Variants in PDE1A observed in about 807,000 individuals in gnomAD.
PDE1A encodes the protein phosphodiesterase 1A.
A neutral mutation model predicts 61.7 loss-of-function variants in PDE1A; 35 were observed. The observed-to-expected ratio is 0.57, with a 90% CI of 0.43 to 0.75. PDE1A has a LOEUF of 0.75. Among genes scored for constraint, PDE1A ranks in the 30% least tolerant of loss-of-function variants. The probability of loss-of-function intolerance (pLI) is 0.00; values close to 1 mark genes in which losing one functional copy is unlikely to be tolerated. For synonymous variants in PDE1A, 232 were observed against 213.2 expected (o/e 1.09, Z -0.77); for missense variants, 597 against 630.6 (o/e 0.95, Z 0.57).
chr2:182,653,783 T>C, the PDE1A span, among the ~76,000 whole-genome samples: 1 of 152,316 alleles, frequency 6.6e-6, no homozygotes, highest in African/African-American at 2.4e-5. Flanking sequence ...CTGGCTGATC[T>C]GGCTCAGATA....
the PDE1A span, among the ~76,000 whole-genome samples, chr2:182,563,316 C>T: frequency 3.9e-5 from 6 of 152,090 alleles, no homozygotes; most frequent in Non-Finnish European, 4.4e-5. Context: ...ATTATGTACC[C>T]AGTAGTCATT....
intron 2 of PDE1A, among the ~76,000 whole-genome samples, chr2:182,242,890 CT>C (rs1690641830): frequency 8.0e-6 from 1 of 125,770 alleles, no homozygotes; most frequent in African/African-American, 2.9e-5. Flanking sequence ...CTCCCTCTCT[CT>C]CTCTCTCCCT....
chr2:182,336,249 C>A (rs2124998639), intron 1 of PDE1A, among the ~76,000 whole-genome samples: 1 of 152,198 alleles, frequency 6.6e-6, no homozygotes, highest in East Asian at 1.9e-4. Context: ...ACCATTTGAC[C>A]CAGCAATCCC....
chr2:182,686,636 A>G, the PDE1A span, among the ~76,000 whole-genome samples: 1 of 152,342 alleles, frequency 6.6e-6, no homozygotes, highest in Non-Finnish European at 1.5e-5. Context: ...TGCATTTCCA[A>G]CTGAGGTACC....
upstream of PDE1A, among the ~76,000 whole-genome samples, chr2:182,428,713 G>T (rs111365868): frequency 6.6e-6 from 1 of 152,014 alleles, no homozygotes; most frequent in Admixed American, 6.6e-5. Context: ...GGGATTTTGC[G>T]TTTGTGGGTA....
intron 1 of PDE1A, among the ~76,000 whole-genome samples, chr2:182,345,585 C>A (rs1394856418): frequency 6.6e-6 from 1 of 152,158 alleles, no homozygotes; most frequent in Non-Finnish European, 1.5e-5. Context: ...TCCTCCCACG[C>A]CTCCTCTTAA....
At chr2:182,598,378 C>A in the PDE1A span, among the ~76,000 whole-genome samples, 1 of 152,058 alleles carries the variant, frequency 6.6e-6, no homozygotes, top group Non-Finnish European at 1.5e-5. Flanking sequence ...TCAAGACCAG[C>A]CTGGCCAACA....
chr2:182,678,371 C>T, the PDE1A span, among the ~76,000 whole-genome samples: 1 of 151,890 alleles, frequency 6.6e-6, no homozygotes, highest in South Asian at 2.1e-4. Flanking sequence ...TGCAGTGAGC[C>T]GATATCATGC....
chr2:182,185,135 A>G (rs1445982966), intron 13 of PDE1A, among the ~76,000 whole-genome samples: 1 of 152,154 alleles, frequency 6.6e-6, no homozygotes, highest in Admixed American at 6.5e-5. Flanking sequence ...CAAGGAAAAA[A>G]TTTCTGGCTG....
At chr2:182,326,939 A>C (rs833175) in intron 1 of PDE1A, among the ~76,000 whole-genome samples, 41,295 of 152,114 alleles carry the variant, frequency 0.27, 5,735 homozygotes, top group Middle Eastern at 0.37. Context: ...AATGTAAACA[A>C]GATATTATCT....
At chr2:182,633,015 A>G in the PDE1A span, among the ~76,000 whole-genome samples, 81,525 of 152,026 alleles carry the variant, frequency 0.54, 22,309 homozygotes, top group Admixed American at 0.65. Context: ...TTAGGTCTTG[A>G]GACTTCCCTT....
the PDE1A span, among the ~76,000 whole-genome samples, chr2:182,669,965 T>G: frequency 6.6e-6 from 1 of 152,176 alleles, no homozygotes; most frequent in Non-Finnish European, 1.5e-5. Flanking sequence ...TTGGAGCACA[T>G]GAAGGTTGCC....
chr2:182,257,421 T>C (rs965084749), intron 2 of PDE1A, among the ~76,000 whole-genome samples: 6 of 152,234 alleles, frequency 3.9e-5, no homozygotes, highest in African/African-American at 1.4e-4. Flanking sequence ...CTAATTCTTT[T>C]GTTTTATAAA....
At chr2:182,308,842 T>C (rs978797813) in intron 1 of PDE1A, among the ~76,000 whole-genome samples, 33 of 152,024 alleles carry the variant, frequency 2.2e-4, no homozygotes, top group African/African-American at 7.0e-4. Context: ...ATCTCTAACA[T>C]TGATTAAAAT....
At chr2:182,303,968 T>C (rs1695412856) in intron 1 of PDE1A, among the ~76,000 whole-genome samples, 1 of 152,162 alleles carries the variant, frequency 6.6e-6, no homozygotes, top group Non-Finnish European at 1.5e-5. Flanking sequence ...TGGCAAGATC[T>C]CTGCTCACTG....
At position 182,156,927 on chromosome 2, in the gene PDE1A, A is replaced by C. The variant is rs1268770569; in HGVS notation, c.1517-9775T>G. ...AAGTATCTATGCTTAAAAAATCAAA[A>C]GATGTAGAGGAGCACAAACCCTGTT... On this transcript the variant is annotated intron_variant, in intron 13 of 13. Transcript: ENST00000409365. 4.0e-5 allele frequency among the ~76,000 whole-genome samples: 6 copies of C among 151,880 alleles called. No homozygotes were observed. In the East Asian group the frequency reaches 1.2e-3, roughly 29 times the overall value.
the PDE1A span, among the ~76,000 whole-genome samples, chr2:182,620,999 C>T: frequency 6.6e-6 from 1 of 152,110 alleles, no homozygotes; most frequent in Non-Finnish European, 1.5e-5. Flanking sequence ...GCCTACATGG[C>T]CCTTTAAGGT....
At chr2:182,552,873 T>C in the PDE1A span, among the ~76,000 whole-genome samples, 4 of 152,162 alleles carry the variant, frequency 2.6e-5, no homozygotes, top group African/African-American at 4.8e-5. Context: ...TCCATGTTTG[T>C]TACGGCTCGA....
intron 7 of PDE1A, among the ~76,000 whole-genome samples, chr2:182,222,975 G>A (rs1688852059): frequency 1.3e-5 from 2 of 151,938 alleles, no homozygotes; most frequent in Admixed American, 6.6e-5. Context: ...TCTCTGTTAT[G>A]GACTGAATTG....
Sources: gnomAD v4.1 joint callset for allele counts (sites outside exome capture counted in the v4.1 genomes callset) on GRCh38, gnomAD v4.1.1 for gene constraint, MANE v1.5 for transcripts, NCBI Gene and HGNC (gene_info 2026-07-23, HGNC 2026-07-21) for gene names.